LYPLAL1: variants seen among roughly 807,000 people sequenced by gnomAD.
LYPLAL1 encodes the protein lysophospholipase-like protein 1.
A neutral mutation model predicts 19.7 loss-of-function variants in LYPLAL1; 23 were observed. The ratio of observed to expected loss-of-function variants is 1.17; its 90% CI spans 0.84 to 1.65. The LOEUF is 1.65. LYPLAL1 is among the 40% of genes most tolerant of loss of function. The pLI is 0.00. For synonymous variants in LYPLAL1, 119 were observed against 96.3 expected (o/e 1.24, Z -1.38); for missense variants, 355 against 279.4 (o/e 1.27, Z -1.93).
Position 219,179,216 on chromosome 1 carries a change from T to C in LYPLAL1, c.161T>C (p.Ile54Thr), listed in dbSNP as rs1329306003. Residue 54 changes from isoleucine (I) to threonine (T), a missense_variant, in exon 2 of 5, where the codon ATA becomes ACA. Transcript: ENST00000366928. ...VLNQDLTFQH[I>T]KIIYPTAPPR... Reference sequence around the variant, plus strand: ...AATCAAGATTTAACATTCCAACACATAAAAATTATTTATCCAACAGCTCCT... The same window carrying C: ...AATCAAGATTTAACATTCCAACACACAAAAATTATTTATCCAACAGCTCCT... 13 of 1,612,148 alleles carry C rather than the reference T, an allele frequency of 8.1e-6. No individual in the cohort carries two copies. Among genetic ancestry groups the C allele is most frequent in the Non-Finnish European group, 1.1e-5 (13 of 1,178,886 alleles).
the LYPLAL1 span, among the ~76,000 whole-genome samples, chr1:219,313,937 T>C: frequency 5.3e-5 from 8 of 152,350 alleles, no homozygotes; most frequent in Admixed American, 2.0e-4. Context: ...ATAATAAGCA[T>C]AGTACCTGAT....
At chr1:219,344,995 C>T in the LYPLAL1 span, among the ~76,000 whole-genome samples, 1 of 152,166 alleles carries the variant, frequency 6.6e-6, no homozygotes, top group African/African-American at 2.4e-5. Context: ...ACTCAAAGCT[C>T]TACTCACATA....
chr1:219,245,239 C>T, the LYPLAL1 span, among the ~76,000 whole-genome samples: 14 of 134,016 alleles, frequency 1.0e-4, no homozygotes, highest in Admixed American at 1.1e-3. Flanking sequence ...CTTCCTTCTA[C>T]AGTTCAGATC....
At chr1:219,347,862 G>GAA in the LYPLAL1 span, among the ~76,000 whole-genome samples, 74 of 137,882 alleles carry the variant, frequency 5.4e-4, no homozygotes, top group South Asian at 0.016. Context: ...TTGATGCACA[G>GAA]AAAAAAAAAA....
chr1:219,308,303 A>T, the LYPLAL1 span, among the ~76,000 whole-genome samples: 1 of 152,204 alleles, frequency 6.6e-6, no homozygotes, highest in East Asian at 1.9e-4. Flanking sequence ...CATAATATAA[A>T]AGTTTGGAAA....
chr1:219,199,975 A>G (rs1313039266), intron 3 of LYPLAL1: 1 of 233,896 alleles, frequency 4.3e-6, no homozygotes, highest in African/African-American at 2.3e-5. Context: ...TCCCCAGGAT[A>G]TTAGACACCT....
the LYPLAL1 span, among the ~76,000 whole-genome samples, chr1:219,326,420 T>C: frequency 6.6e-6 from 1 of 152,124 alleles, no homozygotes; most frequent in Non-Finnish European, 1.5e-5. Flanking sequence ...TATTAGTTTG[T>C]GCCTCCAGGA....
Position 219,204,071 on chromosome 1 carries a change from G to A in LYPLAL1, c.362-6461G>A, listed in dbSNP as rs193122220. Among the ~76,000 whole-genome samples, 4 of 152,262 alleles carry A rather than the reference G, an allele frequency of 2.6e-5. No homozygotes were observed. In the East Asian group the frequency reaches 7.7e-4, roughly 29 times the overall value. ...CAGCAAAAGGCTCATTACAGGGGAT[G>A]TTCAGTTAAAGGGGGTTCCTTGGAG... On this transcript the variant is annotated intron_variant, in intron 3 of 4. Transcript: ENST00000366928.
intron 1 of LYPLAL1, among the ~76,000 whole-genome samples, chr1:219,178,349 T>A (rs1240679152): frequency 6.6e-6 from 1 of 152,196 alleles, no homozygotes; most frequent in East Asian, 1.9e-4. Context: ...GAATAGGGAC[T>A]CTATTCCTCC....
intron 2 of LYPLAL1, among the ~76,000 whole-genome samples, chr1:219,192,134 A>G (rs967892662): frequency 3.3e-5 from 5 of 151,704 alleles, no homozygotes; most frequent in African/African-American, 1.2e-4. Flanking sequence ...GGCCAATGAC[A>G]ATTGAATATT....
At chr1:219,247,516 C>T in the LYPLAL1 span, among the ~76,000 whole-genome samples, 1 of 152,134 alleles carries the variant, frequency 6.6e-6, no homozygotes, top group Non-Finnish European at 1.5e-5. Context: ...TAGCTCTTTC[C>T]CTTATGATCC....
At chr1:219,257,369 T>TACTG in the LYPLAL1 span, among the ~76,000 whole-genome samples, 1 of 150,568 alleles carries the variant, frequency 6.6e-6, no homozygotes, top group African/African-American at 2.4e-5. Context: ...GTTTTTTTTT[T>TACTG]TTTTTGGTTA....
chr1:219,327,528 T>C, the LYPLAL1 span, among the ~76,000 whole-genome samples: 3 of 152,010 alleles, frequency 2.0e-5, no homozygotes, highest in South Asian at 6.2e-4. Flanking sequence ...GTAGTGGCAG[T>C]GGATTTCATC....
chr1:219,196,512 C>G (rs755962330), intron 3 of LYPLAL1, among the ~76,000 whole-genome samples: 7 of 151,824 alleles, frequency 4.6e-5, no homozygotes, highest in Non-Finnish European at 8.8e-5. Context: ...TCTGAAGAGT[C>G]ATTTATGACA....
At chr1:219,205,370 A>AC (rs902042306) in intron 3 of LYPLAL1, among the ~76,000 whole-genome samples, 49 of 149,902 alleles carry the variant, frequency 3.3e-4, no homozygotes, top group African/African-American at 8.6e-4. Context: ...TCTCAAAAAA[A>AC]AAAAAAAACA....
At chr1:219,262,386 C>T in the LYPLAL1 span, among the ~76,000 whole-genome samples, 1 of 152,006 alleles carries the variant, frequency 6.6e-6, no homozygotes, top group African/African-American at 2.4e-5. Flanking sequence ...ATCCATTAAT[C>T]TTTTGGGGGT....
At chr1:219,296,950 G>A in the LYPLAL1 span, among the ~76,000 whole-genome samples, 1 of 152,184 alleles carries the variant, frequency 6.6e-6, no homozygotes, top group Non-Finnish European at 1.5e-5. Flanking sequence ...TGAGGTTGAG[G>A]AATGGATCAA....
downstream of LYPLAL1, among the ~76,000 whole-genome samples, chr1:219,214,198 C>T (rs1012518811): frequency 6.6e-6 from 1 of 152,010 alleles, no homozygotes; most frequent in Admixed American, 6.6e-5. Context: ...TGGTATATTG[C>T]GTTAGCTTTG....
At chr1:219,273,002 G>A in the LYPLAL1 span, 3 of 152,110 alleles carry the variant, frequency 2.0e-5, no homozygotes, top group Non-Finnish European at 4.4e-5. Context: ...ATTAGATTTA[G>A]CAGACAGCCA....
Sources: allele counts gnomAD v4.1 joint callset (sites outside exome capture counted in the v4.1 genomes callset), GRCh38; gene constraint gnomAD v4.1.1; transcripts MANE v1.5; gene names NCBI Gene and HGNC (gene_info 2026-07-23, HGNC 2026-07-21).